Variants in MEGF11 observed in about 807,000 individuals in gnomAD.
MEGF11 encodes the protein multiple epidermal growth factor-like domains protein 11.
Under a neutral mutation model 146.6 loss-of-function variants are expected in MEGF11, and 126 were observed. That is an observed-to-expected ratio of 0.86 (90% CI 0.74 to 1.00). The LOEUF (loss-of-function observed/expected upper bound fraction) is 1.00. Among genes scored for constraint, MEGF11 ranks in the 50% least tolerant of loss-of-function variants. MEGF11 has a pLI of 0.00. For missense variants in MEGF11, 1,509 were observed against 1,521.2 expected, an observed-to-expected ratio of 0.99 and a Z score of 0.13; for synonymous variants, 532 against 583.4, an observed-to-expected ratio of 0.91 and a Z score of 1.27.
chr15:65,938,538 A>C (rs1031187667), intron 10 of MEGF11, among the ~76,000 whole-genome samples: 5 of 152,092 alleles, frequency 3.3e-5, no homozygotes. Flanking sequence ...TTCTATCTTC[A>C]TCTATCCCCA....
At chr15:66,000,938 T>TA (rs967328118) in intron 5 of MEGF11, among the ~76,000 whole-genome samples, 3 of 151,856 alleles carry the variant, frequency 2.0e-5, no homozygotes, top group African/African-American at 7.3e-5. Flanking sequence ...AGAGTGGGCT[T>TA]AAAGGATGGG....
At chr15:66,230,513 C>T (rs976965838) in intron 1 of MEGF11, among the ~76,000 whole-genome samples, 9 of 152,072 alleles carry the variant, frequency 5.9e-5, no homozygotes, top group Non-Finnish European at 1.3e-4. Context: ...ATGACAGATG[C>T]CTTACATCTG....
At chr15:66,212,048 G>A (rs1403453004) in intron 1 of MEGF11, among the ~76,000 whole-genome samples, 1 of 358 alleles carries the variant, frequency 2.8e-3, no homozygotes, top group Non-Finnish European at 8.2e-3. Context: ...CACTGCCAGG[G>A]CCCAGGCAGG....
chr15:65,959,850 G>A (rs1245867709), intron 9 of MEGF11, among the ~76,000 whole-genome samples: 1 of 152,184 alleles, frequency 6.6e-6, no homozygotes, highest in Admixed American at 6.5e-5. Context: ...ACTTGCCCAA[G>A]GTCACATAGC....
chr15:65,965,140 G>A lies in MEGF11; in HGVS notation c.900-20C>T, dbSNP rs1398464610. On this transcript the variant is annotated intron_variant, in intron 8 of 25. Coordinates refer to ENST00000395614, the MANE Select transcript of MEGF11 (RefSeq NM_001385028.1). ...TGGCACCTGTGGGAGAGCAGAGTGG[G>A]GCTGAGGCTGTGGGCCAGGATCCCT... 3 of 1,550,688 alleles carry A rather than the reference G, an allele frequency of 1.9e-6. No individual in the cohort carries two copies. The Admixed American group carries it at 5.4e-5, about 28-fold the overall frequency.
chr15:66,145,175 C>A (rs1056625556), intron 1 of MEGF11, among the ~76,000 whole-genome samples: 6 of 152,196 alleles, frequency 3.9e-5, no homozygotes, highest in African/African-American at 1.4e-4. Flanking sequence ...CCCAGAGCCT[C>A]GAGGTCTCCA....
chr15:65,969,982 T>C (rs1000681269), intron 8 of MEGF11, among the ~76,000 whole-genome samples: 2 of 151,316 alleles, frequency 1.3e-5, no homozygotes, highest in Non-Finnish European at 2.9e-5. Flanking sequence ...CATCATGGCC[T>C]CCTTCTTCCC....
chr15:66,069,338 C>T (rs1241014627), intron 5 of MEGF11, among the ~76,000 whole-genome samples: 1 of 152,098 alleles, frequency 6.6e-6, no homozygotes, highest in African/African-American at 2.4e-5. Context: ...GGCAGGTGCC[C>T]GTACCTGCCA....
At chr15:66,241,209 G>A (rs959775495) in intron 1 of MEGF11, among the ~76,000 whole-genome samples, 2 of 152,152 alleles carry the variant, frequency 1.3e-5, no homozygotes, top group Non-Finnish European at 2.9e-5. Flanking sequence ...AACCAGGCCC[G>A]CTGAGTGGAA....
intron 10 of MEGF11, among the ~76,000 whole-genome samples, chr15:65,948,150 A>G (rs754290011): frequency 2.7e-5 from 4 of 146,208 alleles, no homozygotes; most frequent in Non-Finnish European, 3.0e-5. Flanking sequence ...CTCCCTGCCC[A>G]GGGAAACATC....
chr15:65,951,721 C>T (rs1341485317), intron 10 of MEGF11, among the ~76,000 whole-genome samples: 1 of 151,150 alleles, frequency 6.6e-6, no homozygotes, highest in Non-Finnish European at 1.5e-5. Context: ...CAAAAAAACC[C>T]CAACAAAGTA....
At chr15:66,114,684 T>G (rs147861487) in intron 4 of MEGF11, among the ~76,000 whole-genome samples, 5,371 of 151,902 alleles carry the variant, frequency 0.035, 128 homozygotes, top group Non-Finnish European at 0.047. Context: ...TTCTGCCCAG[T>G]GATCTCTAGG....
chr15:66,238,671 G>A (rs1314187074), intron 1 of MEGF11, among the ~76,000 whole-genome samples: 3 of 152,202 alleles, frequency 2.0e-5, no homozygotes, highest in South Asian at 2.1e-4. Flanking sequence ...CTGTACAGGT[G>A]AGAAAACTGA....
At chr15:66,184,229 T>C (rs2090632737) in intron 1 of MEGF11, among the ~76,000 whole-genome samples, 1 of 152,128 alleles carries the variant, frequency 6.6e-6, no homozygotes, top group Admixed American at 6.5e-5. Context: ...ATGCATCAAT[T>C]ATACCTCCAC....
At chr15:66,089,345 T>C (rs528253450) in intron 5 of MEGF11, among the ~76,000 whole-genome samples, 14 of 152,290 alleles carry the variant, frequency 9.2e-5, no homozygotes, top group Admixed American at 2.6e-4. Flanking sequence ...GTACCGGGCT[T>C]TGACTTATCC....
intron 5 of MEGF11, among the ~76,000 whole-genome samples, chr15:66,053,714 AATTT>A (rs377732009): frequency 0.078 from 3,299 of 42,050 alleles, 633 homozygotes; most frequent in Middle Eastern, 0.12. Context: ...CCCTGGCACC[AATTT>A]TTTTTTTTTT....
intron 5 of MEGF11, among the ~76,000 whole-genome samples, chr15:66,082,944 C>A (rs1031204482): frequency 1.3e-5 from 2 of 152,108 alleles, no homozygotes; most frequent in African/African-American, 4.8e-5. Flanking sequence ...CTTTTGGGAC[C>A]CCTCACCTGT....
intron 10 of MEGF11, among the ~76,000 whole-genome samples, chr15:65,937,618 C>T (rs2079837305): frequency 6.6e-6 from 1 of 152,198 alleles, no homozygotes; most frequent in Non-Finnish European, 1.5e-5. Context: ...GGGCTGGTGT[C>T]CAAGGCCAGT....
intron 1 of MEGF11, among the ~76,000 whole-genome samples, chr15:66,159,808 C>T (rs1178600736): frequency 1.3e-5 from 2 of 152,020 alleles, no homozygotes; most frequent in Non-Finnish European, 2.9e-5. Flanking sequence ...GACCTCACAC[C>T]TGGGCTGGAT....
Sources: allele counts gnomAD v4.1 joint callset (sites outside exome capture counted in the v4.1 genomes callset), GRCh38; gene constraint gnomAD v4.1.1; transcripts MANE v1.5; gene names NCBI Gene and HGNC (gene_info 2026-07-23, HGNC 2026-07-21).